The following RPUSD1 variants were observed in gnomAD, a reference collection of about 807,000 sequenced individuals.
RPUSD1 encodes the protein pseudouridylate synthase RPUSD1.
In RPUSD1, 28 loss-of-function variants were observed where a neutral mutation model predicts 22.4. The ratio of observed to expected loss-of-function variants is 1.25; its 90% confidence interval spans 0.93 to 1.72. The LOEUF is 1.72. Among genes scored for constraint, RPUSD1 ranks in the 40% most tolerant of loss-of-function variants. The pLI, the probability that RPUSD1 is intolerant of heterozygous loss-of-function variation, is 0.00. For synonymous variants in RPUSD1, 298 were observed against 201.0 expected (o/e 1.48, Z -4.08); for missense variants, 596 against 442.2 (o/e 1.35, Z -3.12).
Position 786,971 on chromosome 16 carries a change from G to A in RPUSD1, c.410-43C>T, listed in dbSNP as rs377517095. The A allele has an allele frequency of 6.5e-5, 104 of 1,589,150 alleles. No individual in the cohort carries two copies. The East Asian group carries it at 1.9e-3, about 29-fold the overall frequency. ...GGTGTGAGGTTAGTGGGACTGACCC[G>A]GGGCCCAGGCCCACCCCAACGCACG... On this transcript the variant is annotated intron_variant, in intron 4 of 5. Coordinates refer to ENST00000007264, the MANE Select transcript of RPUSD1 (RefSeq NM_058192.3).
In RPUSD1 at chr16:786,231, C is replaced by T. The variant is rs773438546; in HGVS notation, c.658G>A (p.Glu220Lys). Reference protein sequence around the residue: ...AFYLRIPTDTECVEVCTPDPF... With the variant: ...AFYLRIPTDTKCVEVCTPDPF... ...TCAGGCGTGCAGACCTCCACACACT[C>T]GGTGTCCGTGGGGATGCGCAGGTAG... The change falls in exon 6 of 6, where the codon GAG (glutamate) becomes AAG (lysine). Residue 220 changes from glutamate (E) to lysine (K), a missense_variant. By Grantham distance (56) the Glu-to-Lys change is moderately conservative (BLOSUM62 1). Transcript: ENST00000007264. 6.8e-6 allele frequency: 11 copies of T among 1,612,638 alleles called. No homozygotes were observed. The highest frequency in any genetic ancestry group is 4.5e-5 in the East Asian group (2 of 44,892).
intron 3 of RPUSD1, 51 bp downstream of exon 3, chr16:787,303 G>T (rs369667112): frequency 6.4e-7 from 1 of 1,552,766 alleles, no homozygotes. Context: ...GCCCAAGTGG[G>T]GTGGGAATCC....
At chr16:787,209 C>T (rs1596726691) in intron 3 of RPUSD1, 30 bp from the exon 4 acceptor site, 15 of 1,578,674 alleles carry the variant, frequency 9.5e-6, no homozygotes, top group Non-Finnish European at 1.2e-5. Context: ...GCACGCAGTT[C>T]ACGGGGCAGC....
At position 785,975 on chromosome 16, in the gene RPUSD1, T is replaced by G. The variant is rs2030324960; in HGVS notation, c.914A>C (p.Glu305Ala). 1.4e-6 allele frequency: 2 copies of G among 1,445,226 alleles called. No individual in the cohort carries two copies. The highest frequency in any genetic ancestry group is 2.8e-5 in the Admixed American group (1 of 36,044). The allele number at this position is 1,445,226 out of a possible 1,614,324, so 89.5% of individuals were successfully genotyped here. The change falls in exon 6 of 6, where the codon GAG becomes GCG. Residue 305 changes from glutamate (E) to alanine (A), a missense_variant. Transcript: ENST00000007264. ...TCAGCTGTCCGGTTCCAGCGTCCAC[T>G]CCGACAGCCACTGCAGGCAGGGGCC... ...QRGPCLQWLS[E>A]WTLEPDS
At chr16:788,103 G>A in intron 1 of RPUSD1, 153 bp downstream of exon 1, 1 of 474,906 alleles carries the variant, frequency 2.1e-6, no homozygotes, top group South Asian at 1.6e-5. Context: ...AGCACTACCA[G>A]GCCCGGCAGC....
At chr16:786,966 G>A (rs1019079769) in intron 4 of RPUSD1, 38 bp from the exon 5 acceptor site, 4 of 1,595,096 alleles carry the variant, frequency 2.5e-6, no homozygotes, top group African/African-American at 1.3e-5. Context: ...TAGTGGGACT[G>A]ACCCGGGGCC....
chr16:787,685 A>G lies in RPUSD1; in HGVS notation c.53T>C (p.Phe18Ser). 2.5e-6 allele frequency: 4 copies of G among 1,612,206 alleles called. No homozygotes were observed. The highest frequency in any genetic ancestry group is 2.7e-5 in the African/African-American group (2 of 75,050). ...GTCCCAGTGCTTGTTGACCACCAGG[A>G]AGTCGCGGCTCCGGTACACGATGGA... is the stretch of plus-strand genomic sequence containing the variant. Reference protein sequence around the residue: ...NLSIVYRSRDFLVVNKHWDVR... With the variant: ...NLSIVYRSRDSLVVNKHWDVR... Residue 18 changes from phenylalanine to serine, a missense_variant, in exon 2 of 6, where the codon TTC becomes TCC. Transcript: ENST00000007264.
In RPUSD1 at chr16:787,562, C is replaced by T; in HGVS notation, c.176G>A (p.Gly59Glu). ...PELADPDTCY[G>E]FRFCHQLDFS... ...CTCCGGCCGCCCCCCCTACCTGAAC[C>T]CGTAGCAGGTGTCAGGGTCGGCCAG... Residue 59 changes from glycine to glutamate, a missense_variant, in exon 2 of 6, where the codon GGG (glycine) becomes GAG (glutamate). Coordinates refer to ENST00000007264, the MANE Select transcript of RPUSD1 (RefSeq NM_058192.3). 1 of 1,610,622 alleles carries T rather than the reference C, an allele frequency of 6.2e-7. No individual in the cohort carries two copies. The highest frequency in any genetic ancestry group is 8.5e-7 in the Non-Finnish European group (1 of 1,179,698).
At chr16:786,544 G>A (rs1489939981) in intron 5 of RPUSD1, 167 bp from the exon 6 acceptor site, 46 of 782,238 alleles carry the variant, frequency 5.9e-5, no homozygotes, top group Admixed American at 6.2e-5. Context: ...CAGTATTTAG[G>A]ACAGAAGATT....
At chr16:787,945 T>C in intron 1 of RPUSD1, 1 of 609,752 alleles carries the variant, frequency 1.6e-6, no homozygotes, top group South Asian at 2.0e-5. Context: ...GTCAGCCTGC[T>C]CCGGGCTGAC....
intron 5 of RPUSD1, chr16:786,584 G>T (rs967321375): frequency 1.1e-5 from 8 of 746,994 alleles, no homozygotes; most frequent in Middle Eastern, 2.2e-4. Context: ...TGAGGACAGG[G>T]CCAGGGTGGT....
Position 786,005 on chromosome 16 carries a change from T to A in RPUSD1, c.884A>T (p.Gln295Leu). Residue 295 changes from glutamine to leucine, a missense_variant, in exon 6 of 6, where the codon CAG (glutamine) becomes CTG (leucine). Gln to Leu is a moderately radical substitution (Grantham distance 113). Transcript: ENST00000007264. ...CAGCCACTGCAGGCAGGGGCCCCGC[T>A]GTGCCTCAGTCTCAGGGGGCTTGGT... Reference protein sequence around the residue: ...PPTKPPETEAQRGPCLQWLSE... With the variant: ...PPTKPPETEALRGPCLQWLSE... 1 of 1,470,618 alleles carries A rather than the reference T, an allele frequency of 6.8e-7. No individual in the cohort carries two copies. Among genetic ancestry groups the A allele is most frequent in the Non-Finnish European group, 9.0e-7 (1 of 1,115,484 alleles). 91.1% of individuals were successfully genotyped at this position (1,470,618 alleles called of 1,614,324 possible). A position where few individuals can be genotyped will look rare whatever the true frequency, so the allele number is the denominator to read the frequency against.
chr16:786,810 G>A lies in RPUSD1; in HGVS notation c.511+17C>T, dbSNP rs372623347. The A allele has an allele frequency of 3.8e-5, 61 of 1,601,242 alleles. No individual in the cohort carries two copies. Among genetic ancestry groups the A allele is most frequent in the African/African-American group, 3.1e-4 (23 of 74,678 alleles). Reference sequence around the variant, plus strand: ...TCCCTTCTGTCACCACCAGGACACCGCCCACCCCAGACACACCCGTGAGCG... The same window carrying A: ...TCCCTTCTGTCACCACCAGGACACCACCCACCCCAGACACACCCGTGAGCG... On this transcript the variant is annotated intron_variant, in intron 5 of 5. Coordinates refer to ENST00000007264, the MANE Select transcript of RPUSD1 (RefSeq NM_058192.3).
Position 785,825 on chromosome 16 carries a change from C to T in RPUSD1, c.*125G>A, listed in dbSNP as rs1335163151. On this transcript the variant is annotated 3_prime_UTR_variant, in exon 6 of 6. Coordinates refer to ENST00000007264, the MANE Select transcript of RPUSD1 (RefSeq NM_058192.3). Reference sequence around the variant, plus strand: ...CCCTTCCTCGCAGGCCTGGCCGGGGCAACCCAGTGGGCCTGATGCTGCCTG... The same window carrying T: ...CCCTTCCTCGCAGGCCTGGCCGGGGTAACCCAGTGGGCCTGATGCTGCCTG... 2.1e-5 allele frequency: 19 copies of T among 902,048 alleles called. No homozygotes were observed. The highest frequency in any genetic ancestry group is 2.9e-5 in the Non-Finnish European group (19 of 659,216). The allele number at this position is 902,048 out of a possible 1,614,324, so 55.9% of individuals were successfully genotyped here. A position where few individuals can be genotyped will look rare whatever the true frequency, so the allele number is the denominator to read the frequency against.
At chr16:787,802 C>A in intron 1 of RPUSD1, 58 bp from the exon 2 acceptor site, 1 of 1,555,040 alleles carries the variant, frequency 6.4e-7, no homozygotes, top group Admixed American at 1.7e-5. Context: ...CCCAGCCCAG[C>A]ATACAGAGGT....
chr16:786,508 C>A, intron 5 of RPUSD1, 131 bp from the exon 6 acceptor site: 4 of 834,234 alleles, frequency 4.8e-6, no homozygotes, highest in Non-Finnish European at 7.3e-6. Context: ...GGAACTCTCC[C>A]TGTCCCCTGC....
chr16:787,233 G>A (rs531694983), intron 3 of RPUSD1, 54 bp from the exon 4 acceptor site: 1 of 1,557,512 alleles, frequency 6.4e-7, no homozygotes, highest in Non-Finnish European at 8.7e-7. Flanking sequence ...GTGCTGCCGG[G>A]GAGCCCACCT....
chr16:786,341 A>C lies in RPUSD1; in HGVS notation c.548T>G (p.Leu183Arg). Residue 183 changes from leucine (L) to arginine (R), a missense_variant, in exon 6 of 6, where the codon CTG (leucine) becomes CGG (arginine). Leu to Arg is a moderately radical substitution (Grantham distance 102). Transcript: ENST00000007264. ...CAGGTCGCCCACCACGGGGTGGCCC[A>C]GGGCACTGCAGTGCACGCGCAGCTG... ...THQLRVHCSA[L>R]GHPVVGDLTY... The C allele has an allele frequency of 6.2e-7, 1 of 1,611,798 alleles. No homozygotes were observed. The highest frequency in any genetic ancestry group is 8.5e-7 in the Non-Finnish European group (1 of 1,179,378).
In RPUSD1 at chr16:785,985, A is replaced by G. The variant is rs1355629728; in HGVS notation, c.904T>C (p.Trp302Arg). ...GGTTCCAGCGTCCACTCCGACAGCC[A>G]CTGCAGGCAGGGGCCCCGCTGTGCC... is the stretch of plus-strand genomic sequence containing the variant. ...TEAQRGPCLQWLSEWTLEPDS is the reference protein window; with the variant it reads ...TEAQRGPCLQRLSEWTLEPDS The change falls in exon 6 of 6, where the codon TGG (tryptophan) becomes CGG (arginine). Residue 302 changes from tryptophan (W) to arginine (R), a missense_variant. By Grantham distance (101) the Trp-to-Arg change is moderately radical. Transcript: ENST00000007264. 1 of 1,452,304 alleles carries G rather than the reference A, an allele frequency of 6.9e-7. No individual in the cohort carries two copies. 90.0% of individuals were successfully genotyped at this position (1,452,304 alleles called of 1,614,324 possible).
Sources: allele counts gnomAD v4.1 joint callset, GRCh38; gene constraint gnomAD v4.1.1; transcripts MANE v1.5; gene names NCBI Gene and HGNC (gene_info 2026-07-23, HGNC 2026-07-21).